The following SECISBP2 variants were observed in gnomAD, a reference collection of about 807,000 sequenced individuals.
SECISBP2 encodes selenocysteine insertion sequence-binding protein 2.
A neutral mutation model predicts 98.2 loss-of-function variants in SECISBP2; 96 were observed. The observed-to-expected ratio is 0.98, with a 90% CI of 0.83 to 1.16. SECISBP2 has a LOEUF of 1.16. Ranked by LOEUF, SECISBP2 falls within the 50% of genes most tolerant of loss-of-function variation. The probability of loss-of-function intolerance (pLI) is 0.00; values close to 1 mark genes in which losing one functional copy is unlikely to be tolerated. For missense variants in SECISBP2, 1,046 were observed against 1,022.9 expected, an observed-to-expected ratio of 1.02 and a Z score of -0.31; for synonymous variants, 407 against 370.2, an observed-to-expected ratio of 1.10 and a Z score of -1.14.
At chr9:89,325,205 G>A (rs528768100) in intron 2 of SECISBP2, 27 of 549,874 alleles carry the variant, frequency 4.9e-5, no homozygotes, top group East Asian at 4.2e-4. Context: ...TGTTTCTTAC[G>A]GACTTCCAGC....
intron 7 of SECISBP2, among the ~76,000 whole-genome samples, chr9:89,337,493 T>C (rs1828948133): frequency 6.6e-6 from 1 of 152,220 alleles, no homozygotes; most frequent in South Asian, 2.1e-4. Flanking sequence ...TGCCTCAGAC[T>C]CATGAAAATA....
At position 89,338,565 on chromosome 9, in the gene SECISBP2, G is replaced by C. The variant is rs1293311514; in HGVS notation, c.1197G>C (p.Glu399Asp). The change falls in exon 8 of 17, where the codon GAG becomes GAC. Residue 399 changes from glutamate (E) to aspartate (D), a missense_variant. By Grantham distance (45) the Glu-to-Asp change is conservative. Coordinates refer to ENST00000375807, the MANE Select transcript of SECISBP2 (RefSeq NM_024077.5). ...AATATGAAGTCCTGACAGTTCAAGA[G>C]CCTCCAAGGATTGAAGTACATTTAT... The part of the protein sequence containing the change: ...TSKYEVLTVQ[E>D]PPRIEDAEEF... The C allele has an allele frequency of 6.2e-7, 1 of 1,612,374 alleles. No individual in the cohort carries two copies. The highest frequency in any genetic ancestry group is 1.7e-5 in the Admixed American group (1 of 59,832).
In SECISBP2 at chr9:89,332,336, G is replaced by A. The variant is rs191695429; in HGVS notation, c.802-572G>A. On this transcript the variant is annotated intron_variant, in intron 5 of 16. Transcript: ENST00000375807. ...TTGACATGTCATCATCACCCAAAGC[G>A]CATCGTTTGCATTAGGGTTCACTGT... is the stretch of plus-strand genomic sequence containing the variant. Among the ~76,000 whole-genome samples, 245 of 152,262 alleles carry A rather than the reference G, an allele frequency of 1.6e-3. 1 individual carries two copies. The highest frequency in any genetic ancestry group is 2.7e-3 in the Non-Finnish European group (181 of 68,022).
Position 89,328,877 on chromosome 9 carries a change from G to T in SECISBP2, c.792G>T (p.Val264=). ...GAGAAGTAGTAAAACCAGCTGCAGT[G>T]TTATCAAAGGTGAGGTGAGGGTTTC... ...LLREVVKPAA[V]LSKGEIVVKN... is the part of the protein sequence containing the mutation. Residue 264 remains valine, a synonymous_variant, in exon 5 of 17, where the codon GTG becomes GTT. Transcript: ENST00000375807. 2 of 1,612,708 alleles carry T rather than the reference G, an allele frequency of 1.2e-6. No homozygotes were observed. The highest frequency in any genetic ancestry group is 2.2e-5 in the South Asian group (2 of 91,016).
chr9:89,344,149 A>G (rs1023750191), intron 10 of SECISBP2, among the ~76,000 whole-genome samples: 2 of 151,968 alleles, frequency 1.3e-5, no homozygotes, highest in African/African-American at 4.8e-5. Flanking sequence ...TCCTTTGCCC[A>G]CTTTTTAATG....
In SECISBP2 at chr9:89,358,904, C is replaced by A; in HGVS notation, c.*80C>A. On this transcript the variant is annotated 3_prime_UTR_variant, in exon 17 of 17. Coordinates refer to ENST00000375807, the MANE Select transcript of SECISBP2 (RefSeq NM_024077.5). ...CTTTGGGGCTTTTTCTTCTGTTTTT[C>A]ATGACAATGTAATTTGTGTAACTGT... 2.4e-6 allele frequency: 2 copies of A among 840,636 alleles called. No individual in the cohort carries two copies. The highest frequency in any genetic ancestry group is 1.4e-5 in the South Asian group (1 of 71,404). The allele number at this position is 840,636 out of a possible 1,614,324, so 52.1% of individuals were successfully genotyped here.
chr9:89,343,723 T>G (rs1830012964), intron 10 of SECISBP2, among the ~76,000 whole-genome samples: 1 of 152,268 alleles, frequency 6.6e-6, no homozygotes, highest in South Asian at 2.1e-4. Context: ...TACCACATTT[T>G]CTTTATCCAG....
At chr9:89,355,206 C>T in intron 14 of SECISBP2, 1 of 985,418 alleles carries the variant, frequency 1.0e-6, no homozygotes, top group Non-Finnish European at 1.2e-6. Context: ...TAAGTAGATT[C>T]CAGGTGATAC....
chr9:89,322,045 G>C (rs911854020), intron 2 of SECISBP2, among the ~76,000 whole-genome samples: 25 of 152,174 alleles, frequency 1.6e-4, no homozygotes, highest in Admixed American at 1.6e-3. Flanking sequence ...CCTTAAAGAA[G>C]GTATAGTAAC....
At chr9:89,318,847 T>A (rs1587825834) in intron 1 of SECISBP2, 1 of 1,274,928 alleles carries the variant, frequency 7.8e-7, no homozygotes, top group Non-Finnish European at 9.9e-7. Flanking sequence ...TGTGGTGCGA[T>A]GTCACCCAGC....
intron 14 of SECISBP2, among the ~76,000 whole-genome samples, chr9:89,352,566 C>T (rs547385638): frequency 6.6e-6 from 1 of 152,270 alleles, no homozygotes; most frequent in African/African-American, 2.4e-5. Flanking sequence ...GGATGTGGGA[C>T]AGTTTGCATC....
At chr9:89,339,140 T>C (rs1418638718) in intron 8 of SECISBP2, among the ~76,000 whole-genome samples, 3 of 152,228 alleles carry the variant, frequency 2.0e-5, no homozygotes, top group Non-Finnish European at 4.4e-5. Context: ...GGTTGTTTTC[T>C]TTACATTGCT....
At chr9:89,344,333 A>G (rs1428857250) in intron 10 of SECISBP2, among the ~76,000 whole-genome samples, 1 of 151,942 alleles carries the variant, frequency 6.6e-6, no homozygotes, top group Non-Finnish European at 1.5e-5. Context: ...CCATTTGTCA[A>G]TTTTTGCTTT....
At chr9:89,328,945 T>A in intron 5 of SECISBP2, 59 bp downstream of exon 5, 1 of 1,347,918 alleles carries the variant, frequency 7.4e-7, no homozygotes, top group Non-Finnish European at 1.0e-6. Context: ...TTGTCTCATT[T>A]CAAACATTAC....
At position 89,350,625 on chromosome 9, in the gene SECISBP2, C is replaced by G. The variant is rs1247466612; in HGVS notation, c.1893-7C>G. 6.2e-7 allele frequency: 1 copy of G among 1,613,084 alleles called. No individual in the cohort carries two copies. Among genetic ancestry groups the G allele is most frequent in the Non-Finnish European group, 8.5e-7 (1 of 1,179,282 alleles). ...GCACAATTCCTGATGTCTGATGTTT[C>G]TTTCAGTTACTGCAGCCAGATGCTT... On this transcript the variant is annotated splice_region_variant and splice_polypyrimidine_tract_variant and intron_variant, in intron 13 of 16. Transcript: ENST00000375807.
At chr9:89,350,929 C>G (rs1024418775) in intron 14 of SECISBP2, 77 bp downstream of exon 14, 2 of 1,206,046 alleles carry the variant, frequency 1.7e-6, no homozygotes, top group African/African-American at 1.5e-5. Context: ...TGCCACACAC[C>G]TCAGCGGCCC....
chr9:89,327,572 C>T (rs1007819884), intron 4 of SECISBP2, among the ~76,000 whole-genome samples: 1 of 151,852 alleles, frequency 6.6e-6, no homozygotes, highest in African/African-American at 2.4e-5. Context: ...TTTTAACTTT[C>T]TACACTTTTT....
intron 14 of SECISBP2, among the ~76,000 whole-genome samples, chr9:89,353,411 C>T (rs1308144686): frequency 1.3e-5 from 2 of 152,204 alleles, no homozygotes; most frequent in Non-Finnish European, 2.9e-5. Context: ...CTCATCCTCT[C>T]ACCACCATTA....
chr9:89,321,810 G>A (rs1221599595), intron 2 of SECISBP2, among the ~76,000 whole-genome samples: 1 of 152,224 alleles, frequency 6.6e-6, no homozygotes, highest in African/African-American at 2.4e-5. Context: ...ATCCTTTAAA[G>A]TGGGGATGAA....
Sources: gnomAD v4.1 joint callset for allele counts (sites outside exome capture counted in the v4.1 genomes callset) on GRCh38, gnomAD v4.1.1 for gene constraint, MANE v1.5 for transcripts, NCBI Gene and HGNC (gene_info 2026-07-23, HGNC 2026-07-21) for gene names.